Variants in BST2 observed in about 807,000 individuals in gnomAD.
BST2 encodes bone marrow stromal antigen 2.
BST2 carries 10 observed loss-of-function variants against 18.6 expected under a neutral mutation model. The observed-to-expected ratio is 0.54, with a 90% CI of 0.33 to 0.91. The LOEUF (loss-of-function observed/expected upper bound fraction) is 0.91, where lower values mean the gene tolerates loss of function less well. Ranked by LOEUF, BST2 falls within the 40% of genes least tolerant of loss-of-function variation. The probability of loss-of-function intolerance (pLI) is 0.02; values close to 1 mark genes in which losing one functional copy is unlikely to be tolerated. For missense variants in BST2, 183 were observed against 228.4 expected, an observed-to-expected ratio of 0.80 and a Z score of 1.28; for synonymous variants, 75 against 96.8, an observed-to-expected ratio of 0.77 and a Z score of 1.32.
rs745875610 is a variant in BST2 at position 17,405,504 on chromosome 19, C to T, written c.72G>A (p.Leu24=). The change falls in exon 1 of 5, where the codon CTG becomes CTA. Residue 24 remains leucine (L), a synonymous_variant. Transcript: ENST00000252593. ...EDGDKRCKLL[L]GIGILVLLII... is the part of the protein sequence containing the mutation. ...TCAGGAGCACCAGAATTCCTATCCCCAGCAGAAGCTTACAGCGCTTATCCC... is the reference window on the plus strand; with the variant it reads ...TCAGGAGCACCAGAATTCCTATCCCTAGCAGAAGCTTACAGCGCTTATCCC... 6.2e-7 allele frequency: 1 copy of T among 1,614,234 alleles called. No homozygotes were observed. Among genetic ancestry groups the T allele is most frequent in the Admixed American group, 1.7e-5 (1 of 60,024 alleles).
intron 3 of BST2, 33 bp from the exon 4 acceptor site, chr19:17,403,857 C>A (rs769108293): frequency 1.9e-6 from 3 of 1,600,074 alleles, no homozygotes; most frequent in South Asian, 2.2e-5. Flanking sequence ...GGCATCTGCT[C>A]GTCCTGGCTC....
At position 17,403,136 on chromosome 19, in the gene BST2, C is replaced by G. The variant is rs1906349898; in HGVS notation, c.*206G>C. The G allele has an allele frequency of 2.0e-6, 2 of 986,440 alleles. No homozygotes were observed. The highest frequency in any genetic ancestry group is 3.5e-5 in the African/African-American group (2 of 57,156). 61.1% of individuals were successfully genotyped at this position (986,440 alleles called of 1,614,324 possible). A position where few individuals can be genotyped will look rare whatever the true frequency, so the allele number is the denominator to read the frequency against. ...AGGGAGGCTCTGGAGGGAGACAGCCCTGGGTCAACCCGACTGTGTCCCCAC... is the reference window on the plus strand; with the variant it reads ...AGGGAGGCTCTGGAGGGAGACAGCCGTGGGTCAACCCGACTGTGTCCCCAC... On this transcript the variant is annotated 3_prime_UTR_variant, in exon 5 of 5. Transcript: ENST00000252593.
intron 2 of BST2, 86 bp from the exon 3 acceptor site, chr19:17,404,275 C>T (rs1183660647): frequency 1.9e-6 from 3 of 1,554,132 alleles, no homozygotes; most frequent in Non-Finnish European, 2.7e-6. Context: ...AGAACCTCCC[C>T]CTTACCCCAA....
chr19:17,404,405 C>T lies in BST2; in HGVS notation c.318G>A (p.Lys106=). The T allele has an allele frequency of 6.2e-7, 1 of 1,614,022 alleles. No individual in the cohort carries two copies. Among genetic ancestry groups the T allele is most frequent in the Non-Finnish European group, 8.5e-7 (1 of 1,179,966 alleles). Residue 106 remains lysine (K), a synonymous_variant, in exon 2 of 5, where the codon AAG becomes AAA. Transcript: ENST00000252593. ...MALMASLDAE[K]AQGQKKVEEL... is the part of the protein sequence containing the mutation. ...CCTCCACTTTCTTTTGTCCTTGGGCCTTCTCTGCATCCAGGGAAGCCATTA... is the reference window on the plus strand; with the variant it reads ...CCTCCACTTTCTTTTGTCCTTGGGCTTTCTCTGCATCCAGGGAAGCCATTA...
intron 1 of BST2, 56 bp downstream of exon 1, chr19:17,405,234 AT>A: frequency 6.6e-7 from 1 of 1,518,196 alleles, no homozygotes; most frequent in South Asian, 1.3e-5. Flanking sequence ...CTGGGGAGAG[AT>A]TCTTGTCCCT....
intron 1 of BST2, 73 bp from the exon 2 acceptor site, chr19:17,404,510 C>T: frequency 6.2e-7 from 1 of 1,610,830 alleles, no homozygotes. Context: ...GGCCTCCTCC[C>T]TAGGTCCTGG....
chr19:17,405,471 C>CA lies in BST2; in HGVS notation c.104dup (p.Ile36AspfsTer82), dbSNP rs767859512. On this transcript the variant is annotated frameshift_variant, in exon 1 of 5. Transcript: ENST00000252593. LOFTEE classifies it high-confidence loss of function. ...AGATAATCAAGGGCACCCCCAGAATCACGATGATCAGGAGCACCAGAATTC... is the reference window on the plus strand; with the variant it reads ...AGATAATCAAGGGCACCCCCAGAATCAACGATGATCAGGAGCACCAGAATTC... The CA allele has an allele frequency of 8.7e-6, 14 of 1,614,260 alleles. No homozygotes were observed. The African/African-American group carries it at 1.7e-4, about 20-fold the overall frequency.
At chr19:17,403,471 C>A (rs1046046358) in intron 4 of BST2, 145 bp from the exon 5 acceptor site, 18 of 787,540 alleles carry the variant, frequency 2.3e-5, no homozygotes, top group Admixed American at 5.2e-5. Flanking sequence ...GACCCGCCCC[C>A]ATTGATAGCC....
intron 3 of BST2, 24 bp from the exon 4 acceptor site, chr19:17,403,848 G>A: frequency 6.2e-7 from 1 of 1,603,876 alleles, no homozygotes; most frequent in South Asian, 1.1e-5. Context: ...GGCAAATCAG[G>A]CATCTGCTCG....
Position 17,405,373 on chromosome 19 carries a change from T to C in BST2, c.203A>G (p.His68Arg), listed in dbSNP as rs1393364964. 3.1e-6 allele frequency: 5 copies of C among 1,614,216 alleles called. No individual in the cohort carries two copies. In the East Asian group the frequency reaches 8.9e-5, roughly 29 times the overall value. ...CTCGGTCAGCTCTTGTTGCAGGAGA[T>C]GGGTGACATTGCGACACTCCATCAC... Reference protein sequence around the residue: ...RAVMECRNVTHLLQQELTEAQ... With the variant: ...RAVMECRNVTRLLQQELTEAQ... Residue 68 changes from histidine (H) to arginine (R), a missense_variant, in exon 1 of 5, where the codon CAT (histidine) becomes CGT (arginine). Transcript: ENST00000252593.
At position 17,403,785 on chromosome 19, in the gene BST2, C is replaced by G. The variant is rs1431444808; in HGVS notation, c.453G>C (p.Lys151Asn). 1.2e-6 allele frequency: 2 copies of G among 1,614,036 alleles called. No individual in the cohort carries two copies. Among genetic ancestry groups the G allele is most frequent in the Admixed American group, 1.7e-5 (1 of 59,984 alleles). The change falls in exon 4 of 5, where the codon AAG becomes AAC. Residue 151 changes from lysine to asparagine, a missense_variant. Physicochemically the swap from Lys to Asn is moderately conservative, Grantham distance 94 (BLOSUM62 0). Coordinates refer to ENST00000252593, the MANE Select transcript of BST2 (RefSeq NM_004335.4). The stretch of plus-strand genomic sequence containing the variant: ...AGTCCTGGGAGCTGGGGTAGTACTT[C>G]TTGTCCGCGATTCTCACGCTTAAGA... ...NQVLSVRIAD[K>N]KYYPSSQDSS... is the part of the protein sequence containing the mutation.
At chr19:17,405,210 C>T (rs1043945149) in intron 1 of BST2, 81 bp downstream of exon 1, 71 of 1,470,792 alleles carry the variant, frequency 4.8e-5, no homozygotes, top group Middle Eastern at 2.5e-4. Context: ...GGAGACCCAC[C>T]CTGGGTCAGA....
intron 2 of BST2, 30 bp downstream of exon 2, chr19:17,404,340 TC>T: frequency 4.4e-6 from 4 of 904,744 alleles, no homozygotes; most frequent in Non-Finnish European, 6.4e-6. Context: ...GACTCACCCC[TC>T]CCCGGCCCTC....
Position 17,405,291 on chromosome 19 carries a change from C to T in BST2, c.285G>A (p.Val95=), listed in dbSNP as rs775873927. 230 of 1,608,606 alleles carry T rather than the reference C, an allele frequency of 1.4e-4. No individual in the cohort carries two copies. The highest frequency in any genetic ancestry group is 1.7e-4 in the Non-Finnish European group (206 of 1,177,420). Residue 95 remains valine, a splice_region_variant and synonymous_variant, in exon 1 of 5, where the codon GTG becomes GTA. Transcript: ENST00000252593. ...EAQAATCNHT[V]MALMASLDAE... ...CATCCAAAGGAGTTGAGGAGCTTAC[C>T]ACAGTGTGGTTGCAGGTGGCGGCCT...
chr19:17,404,726 G>C (rs561431295), intron 1 of BST2, among the ~76,000 whole-genome samples: 1 of 152,280 alleles, frequency 6.6e-6, no homozygotes, highest in East Asian at 1.9e-4. Context: ...GACATTTCCA[G>C]ATTGCCTGAG....
Position 17,405,404 on chromosome 19 carries a change from G to A in BST2, c.172C>T (p.Arg58Trp), listed in dbSNP as rs776899881. 49 of 1,614,222 alleles carry A rather than the reference G, an allele frequency of 3.0e-5. No homozygotes were observed. The highest frequency in any genetic ancestry group is 3.9e-5 in the Non-Finnish European group (46 of 1,180,046). Residue 58 changes from arginine to tryptophan, a missense_variant, in exon 1 of 5, where the codon CGG becomes TGG. Physicochemically the swap from Arg to Trp is moderately radical, Grantham distance 101 (BLOSUM62 -3). Coordinates refer to ENST00000252593, the MANE Select transcript of BST2 (RefSeq NM_004335.4). The part of the protein sequence containing the change: ...ANSEACRDGL[R>W]AVMECRNVTH... ...ACATTGCGACACTCCATCACTGCCC[G>A]AAGGCCGTCCCGGCAGGCCTCGCTG...
chr19:17,403,838 G>GGGA lies in BST2; in HGVS notation c.414-15_414-14insTCC, dbSNP rs386388655. The GGGA allele has an allele frequency of 2.7e-6, 4 of 1,459,808 alleles. No homozygotes were observed. Among genetic ancestry groups the GGGA allele is most frequent in the Non-Finnish European group, 3.6e-6 (4 of 1,110,526 alleles). The allele number at this position is 1,459,808 out of a possible 1,614,324, so 90.4% of individuals were successfully genotyped here. A position where few individuals can be genotyped will look rare whatever the true frequency, so the allele number is the denominator to read the frequency against. On this transcript the variant is annotated splice_polypyrimidine_tract_variant and intron_variant, in intron 3 of 4. Transcript: ENST00000252593. ...TGGTTTTCTCTTCTGCGGTACAGAT[G>GGGA]GCAAATCAGGCATCTGCTCGTCCTG...
rs1315704540 is a variant in BST2 at position 17,405,390 on chromosome 19, C to A, written c.186G>T (p.Glu62Asp). The A allele has an allele frequency of 6.2e-7, 1 of 1,614,260 alleles. No homozygotes were observed. The highest frequency in any genetic ancestry group is 1.1e-5 in the South Asian group (1 of 91,092). The change falls in exon 1 of 5, where the codon GAG becomes GAT. Residue 62 changes from glutamate to aspartate, a missense_variant. Coordinates refer to ENST00000252593, the MANE Select transcript of BST2 (RefSeq NM_004335.4). ...ACRDGLRAVM[E>D]CRNVTHLLQQ... ...GCAGGAGATGGGTGACATTGCGACA[C>A]TCCATCACTGCCCGAAGGCCGTCCC...
chr19:17,405,599 G>T lies in BST2; in HGVS notation c.-24C>A. 6.3e-7 allele frequency: 1 copy of T among 1,586,528 alleles called. No individual in the cohort carries two copies. Among genetic ancestry groups the T allele is most frequent in the Non-Finnish European group, 8.6e-7 (1 of 1,164,754 alleles). On this transcript the variant is annotated 5_prime_UTR_variant, in exon 1 of 5. Transcript: ENST00000252593. ...ATCCAGATCTCCCCTTTAGAGTCTG[G>T]CCTGGAGTTAGGGGAGGGTGCTGGA...
Sources: allele counts gnomAD v4.1 joint callset (sites outside exome capture counted in the v4.1 genomes callset), GRCh38; gene constraint gnomAD v4.1.1; transcripts MANE v1.5; gene names NCBI Gene and HGNC (gene_info 2026-07-23, HGNC 2026-07-21).